Variants in EML5 observed in about 807,000 individuals in gnomAD.
EML5 encodes EMAP like 5, also known as echinoderm microtubule-associated protein-like 5.
EML5 carries 120 observed loss-of-function variants against 250.0 expected under a neutral mutation model. That is an observed-to-expected ratio of 0.48 (90% CI 0.41 to 0.56). EML5 has a LOEUF of 0.56. Ranked by LOEUF, EML5 falls within the 20% of genes least tolerant of loss-of-function variation. EML5 has a pLI of 0.00. For missense variants in EML5, 2,006 were observed against 2,437.6 expected, an observed-to-expected ratio of 0.82 and a Z score of 3.73; for synonymous variants, 771 against 806.5, an observed-to-expected ratio of 0.96 and a Z score of 0.75.
At chr14:88,712,107 A>G (rs2093418154) in intron 10 of EML5, among the ~76,000 whole-genome samples, 164 bp downstream of exon 10, 1 of 152,212 alleles carries the variant, frequency 6.6e-6, no homozygotes, top group South Asian at 2.1e-4. Context: ...ACCAAAATAA[A>G]TGCAGCATAT....
chr14:88,750,081 T>C (rs1327471923), intron 2 of EML5, among the ~76,000 whole-genome samples: 2 of 152,212 alleles, frequency 1.3e-5, no homozygotes, highest in African/African-American at 2.4e-5. Flanking sequence ...TGAGTAGTTA[T>C]AGCAAAGACC....
chr14:88,771,369 C>G (rs1377127338), intron 1 of EML5, among the ~76,000 whole-genome samples: 2 of 152,212 alleles, frequency 1.3e-5, no homozygotes, highest in African/African-American at 2.4e-5. Context: ...ACTCTGACTT[C>G]TCTTTATGTC....
In EML5 at chr14:88,771,352, C is replaced by G. The variant is rs577541281; in HGVS notation, c.198-16681G>C. On this transcript the variant is annotated intron_variant, in intron 1 of 43. Coordinates refer to ENST00000554922, the MANE Select transcript of EML5 (RefSeq NM_183387.3). ...CATGAAATTCACTAATCTAACTGTACTGGCAGACTCTGACTTCTCTTTATG... is the reference window on the plus strand; with the variant it reads ...CATGAAATTCACTAATCTAACTGTAGTGGCAGACTCTGACTTCTCTTTATG... Among the ~76,000 whole-genome samples the G allele has an allele frequency of 1.6e-3, 251 of 152,306 alleles. 1 individual carries two copies. The highest frequency in any genetic ancestry group is 6.8e-3 in the Middle Eastern group (2 of 294).
At chr14:88,651,159 T>C (rs866210171) in intron 27 of EML5, among the ~76,000 whole-genome samples, 34 of 147,600 alleles carry the variant, frequency 2.3e-4, no homozygotes, top group Admixed American at 4.0e-4. Flanking sequence ...ATTTTCTTTT[T>C]TTTTTTTTTT....
intron 17 of EML5, among the ~76,000 whole-genome samples, chr14:88,694,094 C>A (rs1027728385): frequency 1.3e-5 from 2 of 151,882 alleles, no homozygotes; most frequent in Non-Finnish European, 2.9e-5. Context: ...CTTATATTAC[C>A]ATAGACCATT....
chr14:88,743,845 G>C (rs1195449442), intron 4 of EML5, among the ~76,000 whole-genome samples, 178 bp downstream of exon 4: 1 of 151,950 alleles, frequency 6.6e-6, no homozygotes, highest in African/African-American at 2.4e-5. Context: ...CCTTACAATA[G>C]TTCAAAGCAA....
intron 8 of EML5, among the ~76,000 whole-genome samples, chr14:88,719,590 C>T (rs1407852776): frequency 6.6e-6 from 1 of 151,914 alleles, no homozygotes; most frequent in African/African-American, 2.4e-5. Context: ...GTGTAGCTTA[C>T]TGTAAGTCAA....
intron 1 of EML5, among the ~76,000 whole-genome samples, chr14:88,765,648 CTTTG>C (rs1310987485): frequency 6.6e-6 from 1 of 152,094 alleles, no homozygotes; most frequent in Non-Finnish European, 1.5e-5. Flanking sequence ...GTCATGTGTG[CTTTG>C]TTTAACATAA....
At chr14:88,673,076 T>C (rs1227157106) in intron 21 of EML5, among the ~76,000 whole-genome samples, 2 of 151,838 alleles carry the variant, frequency 1.3e-5, no homozygotes, top group African/African-American at 2.4e-5. Flanking sequence ...CTGGCAGAGA[T>C]GCAACAAAAA....
At chr14:88,741,866 A>G (rs2093929611) in intron 4 of EML5, among the ~76,000 whole-genome samples, 1 of 152,226 alleles carries the variant, frequency 6.6e-6, no homozygotes, top group African/African-American at 2.4e-5. Context: ...TTATTTTAAA[A>G]TTTGAAGCCT....
intron 1 of EML5, among the ~76,000 whole-genome samples, chr14:88,772,860 G>A (rs1223853842): frequency 6.6e-6 from 1 of 152,030 alleles, no homozygotes; most frequent in Non-Finnish European, 1.5e-5. Flanking sequence ...CCCTTAAAAT[G>A]GCCAAGCTCA....
chr14:88,657,545 GATCA>G (rs2091917479), intron 26 of EML5, 43 bp from the exon 27 acceptor site: 2 of 1,492,656 alleles, frequency 1.3e-6, no homozygotes, highest in Admixed American at 4.5e-5. Flanking sequence ...CAATAACTGA[GATCA>G]ATTATGATCT....
chr14:88,687,148 G>C, intron 19 of EML5, 68 bp downstream of exon 19: 1 of 1,194,808 alleles, frequency 8.4e-7, no homozygotes, highest in Non-Finnish European at 1.2e-6. Context: ...CCACCTCAGT[G>C]ATCACACACA....
At chr14:88,684,879 AT>A (rs66754813) in intron 20 of EML5, 135 bp downstream of exon 20, 113,612 of 758,292 alleles carry the variant, frequency 0.15, 12,104 homozygotes, top group East Asian at 0.48. Flanking sequence ...TATACATTAA[AT>A]TTTTTTTCTG....
chr14:88,701,602 G>A (rs184313088), intron 14 of EML5, among the ~76,000 whole-genome samples: 1 of 152,020 alleles, frequency 6.6e-6, no homozygotes. Flanking sequence ...GAAGAAGAAT[G>A]GGAGAAAGAA....
chr14:88,680,615 T>C (rs779206247), intron 21 of EML5, among the ~76,000 whole-genome samples: 1 of 152,180 alleles, frequency 6.6e-6, no homozygotes, highest in Non-Finnish European at 1.5e-5. Context: ...CTCATTATAG[T>C]ACTAGCTTTC....
rs1566733301 is a variant in EML5, at chr14:88,740,580, G to T, written c.526-8C>A. The T allele has an allele frequency of 1.3e-6, 2 of 1,560,664 alleles. No homozygotes were observed. The highest frequency in any genetic ancestry group is 1.2e-5 in the South Asian group (1 of 81,636). Reference sequence around the variant, plus strand: ...TCCACATAAACTCCAGAACTAAAAGGTATATAGTATAATCAAATTACCAAA... The same window carrying T: ...TCCACATAAACTCCAGAACTAAAAGTTATATAGTATAATCAAATTACCAAA... On this transcript the variant is annotated splice_region_variant and splice_polypyrimidine_tract_variant and intron_variant, in intron 4 of 43. Coordinates refer to ENST00000554922, the MANE Select transcript of EML5 (RefSeq NM_183387.3).
chr14:88,732,149 G>C (rs2093769655), intron 7 of EML5, among the ~76,000 whole-genome samples: 1 of 152,186 alleles, frequency 6.6e-6, no homozygotes, highest in Non-Finnish European at 1.5e-5. Context: ...CCATGCCTAT[G>C]TCCTGAATGG....
At chr14:88,685,564 C>A (rs1257194591) in intron 19 of EML5, among the ~76,000 whole-genome samples, 1 of 152,146 alleles carries the variant, frequency 6.6e-6, no homozygotes, top group Admixed American at 6.5e-5. Flanking sequence ...ATGCTCAAGT[C>A]CCTCATATAA....
Sources: allele counts gnomAD v4.1 joint callset (sites outside exome capture counted in the v4.1 genomes callset), GRCh38; gene constraint gnomAD v4.1.1; transcripts MANE v1.5; gene names NCBI Gene and HGNC (gene_info 2026-07-23, HGNC 2026-07-21).